Variants in GRIK4 observed in about 807,000 individuals in gnomAD.
The protein encoded by GRIK4 is glutamate ionotropic receptor kainate type subunit 4.
A neutral mutation model predicts 104.9 loss-of-function variants in GRIK4; 40 were observed. The observed-to-expected ratio is 0.38, with a 90% CI of 0.30 to 0.50. The LOEUF is 0.50. GRIK4 is among the 20% of genes least tolerant of loss of function. The pLI is 0.93. For synonymous variants in GRIK4, 485 were observed against 524.9 expected, an observed-to-expected ratio of 0.92 and a Z score of 1.04; for missense variants, 1,047 against 1,308.1, an observed-to-expected ratio of 0.80 and a Z score of 3.08.
chr11:120,910,740 T>G (rs1343273100), intron 13 of GRIK4, among the ~76,000 whole-genome samples: 1 of 152,194 alleles, frequency 6.6e-6, no homozygotes, highest in Non-Finnish European at 1.5e-5. Context: ...AGGAGGCCAC[T>G]CTTTGATAGG....
intron 1 of GRIK4, among the ~76,000 whole-genome samples, chr11:120,540,839 C>T (rs965912565): frequency 3.3e-5 from 5 of 150,380 alleles, no homozygotes; most frequent in Admixed American, 2.0e-4. Flanking sequence ...CAGCCAGGCA[C>T]GGTGGCTCAT....
At chr11:120,793,041 GAT>G (rs1182395536) in intron 3 of GRIK4, among the ~76,000 whole-genome samples, 1 of 152,182 alleles carries the variant, frequency 6.6e-6, no homozygotes. Flanking sequence ...GATTAAATGA[GAT>G]AACATATATG....
intron 3 of GRIK4, among the ~76,000 whole-genome samples, chr11:120,678,033 C>T (rs1950128765): frequency 6.6e-6 from 1 of 152,222 alleles, no homozygotes; most frequent in Admixed American, 6.5e-5. Context: ...GAGCCAGACT[C>T]CCTGGCGCCA....
At chr11:120,873,998 C>G in intron 9 of GRIK4, 68 bp from the exon 10 acceptor site, 34 of 1,326,222 alleles carry the variant, frequency 2.6e-5, no homozygotes, top group Non-Finnish European at 3.4e-5. Flanking sequence ...CTTATTTTCT[C>G]CCTCCCCTCC....
intron 3 of GRIK4, among the ~76,000 whole-genome samples, chr11:120,742,340 C>T (rs1197805755): frequency 2.3e-5 from 3 of 129,824 alleles, no homozygotes; most frequent in African/African-American, 8.7e-5. Context: ...AGCAAGACTC[C>T]GTTTCAAAAA....
intron 13 of GRIK4, among the ~76,000 whole-genome samples, chr11:120,916,637 TC>T (rs1257169633): frequency 6.6e-6 from 1 of 152,202 alleles, no homozygotes; most frequent in Non-Finnish European, 1.5e-5. Context: ...AGTGGAAAAT[TC>T]CACACCTATC....
At chr11:120,906,184 A>G (rs575391924) in intron 13 of GRIK4, among the ~76,000 whole-genome samples, 1 of 152,328 alleles carries the variant, frequency 6.6e-6, no homozygotes, top group South Asian at 2.1e-4. Context: ...TTTTCTTTGT[A>G]CACACTATTA....
At chr11:120,932,581 AAG>A (rs1400499196) in intron 13 of GRIK4, among the ~76,000 whole-genome samples, 1 of 152,152 alleles carries the variant, frequency 6.6e-6, no homozygotes. Flanking sequence ...GGAATTCCAT[AAG>A]CCTTTTCAAT....
intron 9 of GRIK4, chr11:120,871,239 C>CT (rs1275252547): frequency 1.1e-5 from 2 of 178,400 alleles, no homozygotes; most frequent in African/African-American, 4.7e-5. Flanking sequence ...GTCAATTTGT[C>CT]TAAGCCGGAA....
chr11:120,660,396 G>A lies in GRIK4; in HGVS notation c.78G>A (p.Arg26=). Residue 26 remains arginine (R), a synonymous_variant, in exon 3 of 21, where the codon AGG becomes AGA. Transcript: ENST00000527524. Reference sequence around the variant, plus strand: ...TCGCCTGCAGCCCGCACTCCTTGAGGATCGGTAAGTGTGGCCCAGCTTGGG... The same window carrying A: ...TCGCCTGCAGCCCGCACTCCTTGAGAATCGGTAAGTGTGGCCCAGCTTGGG... ...VMVACSPHSL[R]IAAILDDPME... The A allele has an allele frequency of 6.2e-7, 1 of 1,611,862 alleles. No homozygotes were observed. The highest frequency in any genetic ancestry group is 8.5e-7 in the Non-Finnish European group (1 of 1,179,324).
chr11:120,587,094 G>C (rs138526523), intron 1 of GRIK4, among the ~76,000 whole-genome samples: 2 of 152,140 alleles, frequency 1.3e-5, no homozygotes, highest in African/African-American at 4.8e-5. Context: ...ATATAGAGGT[G>C]TCTCTTTCTC....
At chr11:120,594,287 G>C (rs1053727077) in intron 1 of GRIK4, among the ~76,000 whole-genome samples, 1 of 152,112 alleles carries the variant, frequency 6.6e-6, no homozygotes, top group Non-Finnish European at 1.5e-5. Context: ...AGACCAGCTT[G>C]GGCAACATGG....
intron 1 of GRIK4, among the ~76,000 whole-genome samples, chr11:120,586,992 C>T: frequency 6.6e-6 from 1 of 152,228 alleles, no homozygotes; most frequent in East Asian, 1.9e-4. Flanking sequence ...TTTCTTCGCT[C>T]TGTCTGAAAT....
intron 11 of GRIK4, among the ~76,000 whole-genome samples, chr11:120,888,909 C>G (rs1955194936): frequency 6.6e-6 from 1 of 152,218 alleles, no homozygotes; most frequent in African/African-American, 2.4e-5. Flanking sequence ...CTTGGACCAA[C>G]TGAGTTGCAG....
rs1169750409 is a variant in GRIK4 at position 120,905,496 on chromosome 11, A to G, written c.1476+3A>G. 2.1e-6 allele frequency: 3 copies of G among 1,400,416 alleles called. No individual in the cohort carries two copies. The highest frequency in any genetic ancestry group is 2.9e-5 in the East Asian group (1 of 34,076). The allele number at this position is 1,400,416 out of a possible 1,614,324, so 86.7% of individuals were successfully genotyped here. On this transcript the variant is annotated splice_donor_region_variant and intron_variant, in intron 13 of 20. Transcript: ENST00000527524. The surrounding 1 kb of genome is among the most constrained non-coding windows in gnomAD (Gnocchi z 5.1). Reference sequence around the variant, plus strand: ...TGGTCGGGGAGCTGATCGCTAGGGTAAGGAGAGGACAAGTGATCTGGGCCT... The same window carrying G: ...TGGTCGGGGAGCTGATCGCTAGGGTGAGGAGAGGACAAGTGATCTGGGCCT...
intron 1 of GRIK4, among the ~76,000 whole-genome samples, chr11:120,587,417 C>T (rs971052660): frequency 2.6e-5 from 4 of 152,154 alleles, no homozygotes; most frequent in African/African-American, 9.7e-5. Flanking sequence ...TGAATCTTAG[C>T]TCTGCCATTT....
chr11:120,538,986 A>G (rs1425937976), intron 1 of GRIK4, among the ~76,000 whole-genome samples: 1 of 152,220 alleles, frequency 6.6e-6, no homozygotes, highest in Non-Finnish European at 1.5e-5. Flanking sequence ...AGAGAAGAAA[A>G]GTGGTGCTGA....
intron 3 of GRIK4, among the ~76,000 whole-genome samples, chr11:120,754,870 G>T (rs562282369): frequency 1.5e-4 from 23 of 151,808 alleles, no homozygotes; most frequent in African/African-American, 5.1e-4. Flanking sequence ...TTTTTAATTG[G>T]GTTATTTGTC....
At chr11:120,809,484 G>C (rs1347585112) in intron 4 of GRIK4, among the ~76,000 whole-genome samples, 1 of 152,236 alleles carries the variant, frequency 6.6e-6, no homozygotes, top group Non-Finnish European at 1.5e-5. Context: ...GGGAACGAAA[G>C]ACCAGTTCCC....
Sources: allele counts gnomAD v4.1 joint callset (sites outside exome capture counted in the v4.1 genomes callset), GRCh38; gene constraint gnomAD v4.1.1; non-coding constraint Gnocchi (gnomAD v3.1); transcripts MANE v1.5; gene names NCBI Gene and HGNC (gene_info 2026-07-23, HGNC 2026-07-21).